The following CHDH variants were observed in gnomAD, a reference collection of about 807,000 sequenced individuals.
The protein encoded by CHDH is choline dehydrogenase, mitochondrial.
CHDH carries 43 observed loss-of-function variants against 56.9 expected under a neutral mutation model. That is an observed-to-expected ratio of 0.76 (90% CI 0.59 to 0.97). The LOEUF (loss-of-function observed/expected upper bound fraction) is 0.97. CHDH is among the 50% of genes least tolerant of loss of function. CHDH has a pLI of 0.00. For synonymous variants in CHDH, 364 were observed against 348.5 expected (o/e 1.04, Z -0.50); for missense variants, 816 against 821.1 (o/e 0.99, Z 0.08).
chr3:53,842,392 G>A (rs950745918), intron 1 of CHDH, among the ~76,000 whole-genome samples: 12 of 152,124 alleles, frequency 7.9e-5, no homozygotes, highest in African/African-American at 2.9e-4. Flanking sequence ...CCCAACGTAG[G>A]GTGACAGGGT....
intron 3 of CHDH, 95 bp from the exon 4 acceptor site, chr3:53,822,737 C>T: frequency 7.0e-7 from 1 of 1,434,838 alleles, no homozygotes; most frequent in Non-Finnish European, 9.4e-7. Context: ...TGGATATGCC[C>T]AGCTCTGACT....
At chr3:53,832,570 G>C (rs74814876) in intron 2 of CHDH, among the ~76,000 whole-genome samples, 7,739 of 152,150 alleles carry the variant, frequency 0.051, 455 homozygotes, top group African/African-American at 0.14. Context: ...AAACAGGTGA[G>C]TAGATAAAAT....
In CHDH at chr3:53,846,353, C is replaced by T; in HGVS notation, c.-401G>A. The T allele has an allele frequency of 2.2e-6, 1 of 456,864 alleles. No homozygotes were observed. Among genetic ancestry groups the T allele is most frequent in the Non-Finnish European group, 3.8e-6 (1 of 262,426 alleles). The allele number at this position is 456,864 out of a possible 1,614,324, so 28.3% of individuals were successfully genotyped here. ...GCACGTGTGCGCGGGGGTAGGCGCG[C>T]GCCGCGGCGGCCCGTGCTCCGCCAG... is the stretch of plus-strand genomic sequence containing the variant. On this transcript the variant is annotated 5_prime_UTR_variant, in exon 1 of 9. Coordinates refer to ENST00000315251, the MANE Select transcript of CHDH (RefSeq NM_018397.5).
chr3:53,825,846 A>G (rs1180447750), intron 2 of CHDH, among the ~76,000 whole-genome samples: 1 of 152,174 alleles, frequency 6.6e-6, no homozygotes, highest in East Asian at 1.9e-4. Flanking sequence ...CAAAAAACAT[A>G]TGCAGAGGAA....
At chr3:53,823,223 AGGAGCCT>A (rs1224486967) in intron 3 of CHDH, 76 bp downstream of exon 3, 4 of 1,293,560 alleles carry the variant, frequency 3.1e-6, no homozygotes, top group Non-Finnish European at 4.1e-6. Flanking sequence ...TGCTGGAGCC[AGGAGCCT>A]GGAGCCACGG....
intron 2 of CHDH, among the ~76,000 whole-genome samples, chr3:53,824,522 G>C (rs956659677): frequency 2.0e-5 from 3 of 152,186 alleles, no homozygotes; most frequent in Non-Finnish European, 4.4e-5. Flanking sequence ...CTCTCAAAAC[G>C]GATGGTTTAG....
In CHDH at chr3:53,823,682, T is replaced by C. The variant is rs2095633046; in HGVS notation, c.327A>G (p.Thr109=). The change falls in exon 3 of 9, where the codon ACA becomes ACG. Residue 109 remains threonine, a synonymous_variant. Transcript: ENST00000315251. ...CDDRYNWCYH[T]EVQRGLDGRV... ...GGCCGTCCAGGCCCCGCTGCACCTC[T>C]GTGTGGTAGCACCAGTTGTACCTGT... is the stretch of plus-strand genomic sequence containing the variant. 4 of 1,547,932 alleles carry C rather than the reference T, an allele frequency of 2.6e-6. No individual in the cohort carries two copies. Among genetic ancestry groups the C allele is most frequent in the Non-Finnish European group, 3.5e-6 (4 of 1,146,940 alleles).
Position 53,820,559 on chromosome 3 carries a change from T to A in CHDH, c.1035A>T (p.Ala345=), listed in dbSNP as rs774564809. Residue 345 remains alanine (A), a synonymous_variant, in exon 6 of 9, where the codon GCA becomes GCT. Transcript: ENST00000315251. The stretch of plus-strand genomic sequence containing the variant: ...AATGGAGGGTGATAGGGCGGGTGCA[T>A]GCCTGCTGAATGTAGATCTCCAGGT... ...QDHLEIYIQQ[A]CTRPITLHSA... is the part of the protein sequence containing the mutation. The A allele has an allele frequency of 1.9e-6, 3 of 1,614,074 alleles. No individual in the cohort carries two copies. The highest frequency in any genetic ancestry group is 2.5e-6 in the Non-Finnish European group (3 of 1,179,966).
intron 2 of CHDH, among the ~76,000 whole-genome samples, 156 bp from the exon 3 acceptor site, chr3:53,824,223 C>T (rs1235409882): frequency 6.6e-6 from 1 of 152,234 alleles, no homozygotes; most frequent in African/African-American, 2.4e-5. Context: ...AATTTCAGAA[C>T]TGTTTTGTAT....
rs1265373287 is a variant in CHDH at position 53,813,945 on chromosome 3, A to C, written c.*3832T>G. ...ATTTCACCGTCAACTGGCAGCGAGA[A>C]CCTCACTAAGAACCATCTCTGCTCA... On this transcript the variant is annotated 3_prime_UTR_variant, in exon 9 of 9. Coordinates refer to ENST00000315251, the MANE Select transcript of CHDH (RefSeq NM_018397.5). The C allele has an allele frequency of 6.6e-6, 1 of 152,156 alleles. No homozygotes were observed. The highest frequency in any genetic ancestry group is 2.4e-5 in the African/African-American group (1 of 41,434). The allele number at this position is 152,156 out of a possible 1,614,324, so 9.4% of individuals were successfully genotyped here.
rs1396912965 is a variant in CHDH, at chr3:53,820,693, T to C, written c.986-85A>G. On this transcript the variant is annotated intron_variant, in intron 5 of 8. Transcript: ENST00000315251. ...TATCCCCCCGGTTTTGAAAAATTCT[T>C]TCCTATTCCCTTATCTTCTGGACCA... 3 of 1,513,060 alleles carry C rather than the reference T, an allele frequency of 2.0e-6. No homozygotes were observed. In the African/African-American group the frequency reaches 4.1e-5, roughly 21 times the overall value. The allele number at this position is 1,513,060 out of a possible 1,614,324, so 93.7% of individuals were successfully genotyped here. A position where few individuals can be genotyped will look rare whatever the true frequency, so the allele number is the denominator to read the frequency against.
At chr3:53,832,447 G>T (rs1181951987) in intron 2 of CHDH, among the ~76,000 whole-genome samples, 1 of 152,066 alleles carries the variant, frequency 6.6e-6, no homozygotes, top group East Asian at 1.9e-4. Flanking sequence ...CAGGAGAATG[G>T]TGTGAACCCA....
intron 6 of CHDH, among the ~76,000 whole-genome samples, chr3:53,820,224 G>T (rs928355928): frequency 1.3e-5 from 2 of 152,184 alleles, no homozygotes; most frequent in Non-Finnish European, 2.9e-5. Context: ...AAGCCCCGAG[G>T]AGTCTCACCT....
At chr3:53,821,945 C>T (rs2095627359) in intron 4 of CHDH, among the ~76,000 whole-genome samples, 169 bp from the exon 5 acceptor site, 1 of 152,184 alleles carries the variant, frequency 6.6e-6, no homozygotes, top group Non-Finnish European at 1.5e-5. Context: ...CACTGAGTCA[C>T]TACTTGAAAG....
At position 53,823,931 on chromosome 3, in the gene CHDH, A is replaced by C; in HGVS notation, c.78T>G (p.Gly26=). ...RGALGQQQSL[G]ARALASAGSE... ...AGCCTGCGCTGGCCAGGGCCCGGGC[A>C]CCCAGGGATTGCTGCTGCCCCAGGG... is the stretch of plus-strand genomic sequence containing the variant. The change falls in exon 3 of 9, where the codon GGT becomes GGG. Residue 26 remains glycine (G), a synonymous_variant. Coordinates refer to ENST00000315251, the MANE Select transcript of CHDH (RefSeq NM_018397.5). 1 of 1,542,358 alleles carries C rather than the reference A, an allele frequency of 6.5e-7. No homozygotes were observed. The highest frequency in any genetic ancestry group is 1.4e-5 in the African/African-American group (1 of 72,972).
At chr3:53,845,799 A>G (rs1212265482) in intron 1 of CHDH, among the ~76,000 whole-genome samples, 1 of 152,200 alleles carries the variant, frequency 6.6e-6, no homozygotes, top group African/African-American at 2.4e-5. Context: ...GTCCGAACTC[A>G]CTTGGTGGAA....
chr3:53,823,678 C>T lies in CHDH; in HGVS notation c.331G>A (p.Val111Met). The T allele has an allele frequency of 6.5e-7, 1 of 1,547,722 alleles. No homozygotes were observed. Reference protein sequence around the residue: ...DRYNWCYHTEVQRGLDGRVLY... With the variant: ...DRYNWCYHTEMQRGLDGRVLY... ...ACGCGGCCGTCCAGGCCCCGCTGCA[C>T]CTCTGTGTGGTAGCACCAGTTGTAC... The change falls in exon 3 of 9, where the codon GTG becomes ATG. Residue 111 changes from valine to methionine, a missense_variant. By Grantham distance (21) the Val-to-Met change is conservative (BLOSUM62 1). Coordinates refer to ENST00000315251, the MANE Select transcript of CHDH (RefSeq NM_018397.5).
intron 6 of CHDH, 145 bp downstream of exon 6, chr3:53,820,329 G>T: frequency 1.0e-6 from 1 of 956,434 alleles, no homozygotes; most frequent in Non-Finnish European, 1.5e-6. Flanking sequence ...CCATTTTGAA[G>T]ATGGAAAAAC....
rs1263443874 is a variant in CHDH, at chr3:53,814,750, C to G, written c.*3027G>C. On this transcript the variant is annotated 3_prime_UTR_variant, in exon 9 of 9. Coordinates refer to ENST00000315251, the MANE Select transcript of CHDH (RefSeq NM_018397.5). ...TCTTGGCTCACTGCAGCCTGCGCCA[C>G]CCAGGTTCAAGCGATTCTCCTGTAT... The G allele has an allele frequency of 6.6e-6, 1 of 152,098 alleles. No homozygotes were observed. Among genetic ancestry groups the G allele is most frequent in the East Asian group, 1.9e-4 (1 of 5,184 alleles). The allele number at this position is 152,098 out of a possible 1,614,324, so 9.4% of individuals were successfully genotyped here. A position where few individuals can be genotyped will look rare whatever the true frequency, so the allele number is the denominator to read the frequency against.
Sources: gnomAD v4.1 joint callset for allele counts (sites outside exome capture counted in the v4.1 genomes callset) on GRCh38, gnomAD v4.1.1 for gene constraint, MANE v1.5 for transcripts, NCBI Gene and HGNC (gene_info 2026-07-23, HGNC 2026-07-21) for gene names.